Variants in OXR1 observed in about 807,000 individuals in gnomAD.
OXR1 encodes oxidation resistance protein 1.
OXR1 carries 41 observed loss-of-function variants against 104.6 expected under a neutral mutation model. The ratio of observed to expected loss-of-function variants is 0.39; its 90% CI spans 0.31 to 0.51. The LOEUF (loss-of-function observed/expected upper bound fraction) is 0.51, where lower values mean the gene tolerates loss of function less well. Among genes scored for constraint, OXR1 ranks in the 20% least tolerant of loss-of-function variants. OXR1 has a pLI of 0.77. For missense variants in OXR1, 955 were observed against 1,031.9 expected (o/e 0.93, Z 1.02); for synonymous variants, 348 against 348.4 (o/e 1.00, Z 0.01).
rs1384644831 is a variant in OXR1 at position 106,703,071 on chromosome 8, A to G, written c.841A>G (p.Ile281Val). The change falls in exon 8 of 17, where the codon ATA (isoleucine) becomes GTA (valine). Residue 281 changes from isoleucine (I) to valine (V), a missense_variant. This residue lies in a region of OXR1 where 849 missense variants were observed against 852.9 expected (regional missense o/e 1.00). Transcript: ENST00000517566. ...GTACAAAGAAATTTTGGATAGCAAA[A>G]TAAAGGAATCTTTACCCATGTAAGA... ...AMYKEILDSK[I>V]KESLPIDIDQ... 1 of 1,612,240 alleles carries G rather than the reference A, an allele frequency of 6.2e-7. No homozygotes were observed. The highest frequency in any genetic ancestry group is 1.1e-5 in the South Asian group (1 of 91,006).
chr8:106,279,301 A>G (rs1036375092), intron 1 of OXR1, among the ~76,000 whole-genome samples: 2 of 152,194 alleles, frequency 1.3e-5, no homozygotes, highest in African/African-American at 4.8e-5. Context: ...CATGGTAAAA[A>G]TATTCTGTAA....
chr8:106,600,558 C>A (rs1262493290), intron 3 of OXR1, among the ~76,000 whole-genome samples: 1 of 152,150 alleles, frequency 6.6e-6, no homozygotes, highest in Non-Finnish European at 1.5e-5. Flanking sequence ...AAAATCAGAA[C>A]AGATTAGTGA....
intron 7 of OXR1, among the ~76,000 whole-genome samples, chr8:106,699,284 A>G (rs1830375948): frequency 6.6e-6 from 1 of 152,118 alleles, no homozygotes; most frequent in South Asian, 2.1e-4. Flanking sequence ...GATAGCTGCG[A>G]TACATGTAGG....
chr8:106,578,167 G>A (rs569918548), intron 3 of OXR1, among the ~76,000 whole-genome samples: 1 of 152,172 alleles, frequency 6.6e-6, no homozygotes, highest in Non-Finnish European at 1.5e-5. Flanking sequence ...TGTGCTTACT[G>A]TATTTTATCA....
At chr8:106,553,948 A>C (rs1392589839) in intron 3 of OXR1, among the ~76,000 whole-genome samples, 1 of 152,194 alleles carries the variant, frequency 6.6e-6, no homozygotes, top group Non-Finnish European at 1.5e-5. Context: ...GTAAACATTC[A>C]ATTTAAAATG....
chr8:106,557,587 G>A (rs1171683394), intron 3 of OXR1, among the ~76,000 whole-genome samples: 1 of 151,752 alleles, frequency 6.6e-6, no homozygotes, highest in Non-Finnish European at 1.5e-5. Flanking sequence ...TTTACTGCAA[G>A]GCAACTCAAT....
chr8:106,275,982 A>G (rs950338939), intron 1 of OXR1, among the ~76,000 whole-genome samples: 4 of 152,242 alleles, frequency 2.6e-5, no homozygotes, highest in African/African-American at 9.6e-5. Flanking sequence ...GAAAAAAAAT[A>G]GCCTGGAACA....
intron 2 of OXR1, among the ~76,000 whole-genome samples, chr8:106,448,876 A>G (rs1820154161): frequency 6.6e-6 from 1 of 152,188 alleles, no homozygotes; most frequent in South Asian, 2.1e-4. Flanking sequence ...TCAGGTATAG[A>G]TAACATCATT....
intron 1 of OXR1, among the ~76,000 whole-genome samples, chr8:106,311,427 A>C (rs1051659510): frequency 2.0e-5 from 3 of 151,918 alleles, no homozygotes; most frequent in Non-Finnish European, 4.4e-5. Context: ...GGTAAGCATT[A>C]CTATTTTATC....
chr8:106,455,484 A>G (rs976502415), intron 2 of OXR1, among the ~76,000 whole-genome samples: 1 of 152,202 alleles, frequency 6.6e-6, no homozygotes, highest in African/African-American at 2.4e-5. Context: ...GGTCAAATGC[A>G]TGTCCTTTAA....
In OXR1 at chr8:106,752,372, A is replaced by T. The variant is rs1835939659; in HGVS notation, c.*1431A>T. The T allele has an allele frequency of 1.3e-5, 2 of 152,520 alleles. No homozygotes were observed. The highest frequency in any genetic ancestry group is 4.1e-4 in the South Asian group (2 of 4,828). 9.4% of individuals were successfully genotyped at this position (152,520 alleles called of 1,614,324 possible). ...ACATATTTAGTTCTTTTGAAAGTTTAGATAATTATTTAAAGAAAGCATAAT... is the reference window on the plus strand; with the variant it reads ...ACATATTTAGTTCTTTTGAAAGTTTTGATAATTATTTAAAGAAAGCATAAT... On this transcript the variant is annotated 3_prime_UTR_variant, in exon 17 of 17. Coordinates refer to ENST00000517566, the MANE Select transcript of OXR1 (RefSeq NM_001198533.2).
intron 2 of OXR1, among the ~76,000 whole-genome samples, chr8:106,478,298 A>T (rs562254693): frequency 1.5e-4 from 23 of 151,812 alleles, no homozygotes; most frequent in African/African-American, 5.1e-4. Context: ...TTAATATATT[A>T]AAAAAAATAA....
At chr8:106,274,195 G>A (rs1255419914) in intron 1 of OXR1, among the ~76,000 whole-genome samples, 1 of 152,172 alleles carries the variant, frequency 6.6e-6, no homozygotes, top group African/African-American at 2.4e-5. Flanking sequence ...AGCATGGAGC[G>A]TATTGAGAAG....
chr8:106,474,992 T>C (rs1445184663), intron 2 of OXR1, among the ~76,000 whole-genome samples: 4 of 151,974 alleles, frequency 2.6e-5, no homozygotes, highest in Non-Finnish European at 5.9e-5. Flanking sequence ...ATAACATTTC[T>C]GTGCCTGTTT....
At chr8:106,497,035 T>G (rs1395334036) in intron 2 of OXR1, among the ~76,000 whole-genome samples, 1 of 152,160 alleles carries the variant, frequency 6.6e-6, no homozygotes, top group Non-Finnish European at 1.5e-5. Flanking sequence ...CAAAAGTGAT[T>G]GAGATTGAAT....
At chr8:106,352,011 T>C (rs1815747407) in intron 1 of OXR1, among the ~76,000 whole-genome samples, 1 of 152,188 alleles carries the variant, frequency 6.6e-6, no homozygotes, top group South Asian at 2.1e-4. Context: ...CCTGCCTCTC[T>C]ACTCTGCAGT....
At chr8:106,344,875 T>G (rs1457536908) in intron 1 of OXR1, among the ~76,000 whole-genome samples, 1 of 152,232 alleles carries the variant, frequency 6.6e-6, no homozygotes, top group Non-Finnish European at 1.5e-5. Flanking sequence ...TTCACAATTC[T>G]TTTGTGTCTT....
At chr8:106,745,538 T>C (rs942886917) in intron 15 of OXR1, among the ~76,000 whole-genome samples, 4 of 152,164 alleles carry the variant, frequency 2.6e-5, no homozygotes, top group Non-Finnish European at 5.9e-5. Context: ...GAGAAAGAAG[T>C]ATGTGTGAAA....
At chr8:106,559,660 A>G (rs1275558226) in intron 3 of OXR1, among the ~76,000 whole-genome samples, 1 of 152,204 alleles carries the variant, frequency 6.6e-6, no homozygotes, top group Non-Finnish European at 1.5e-5. Flanking sequence ...AGCAGACTTG[A>G]TATCTGGTGA....
Sources: allele counts gnomAD v4.1 joint callset (sites outside exome capture counted in the v4.1 genomes callset), GRCh38; gene constraint gnomAD v4.1.1; regional missense constraint gnomAD v4.1.1; transcripts MANE v1.5; gene names NCBI Gene and HGNC (gene_info 2026-07-23, HGNC 2026-07-21).